Variants in SPATA17 observed in about 807,000 individuals in gnomAD.
SPATA17 encodes spermatogenesis-associated protein 17.
In SPATA17, 53 loss-of-function variants were observed where a neutral mutation model predicts 62.2. That is an observed-to-expected ratio of 0.85 (90% confidence interval 0.68 to 1.07). The LOEUF (loss-of-function observed/expected upper bound fraction) is 1.07, where lower values mean the gene tolerates loss of function less well. SPATA17 is among the 50% of genes least tolerant of loss of function. The pLI is 0.00. For missense variants in SPATA17, 466 were observed against 425.5 expected, an observed-to-expected ratio of 1.10 and a Z score of -0.84; for synonymous variants, 146 against 146.8, an observed-to-expected ratio of 0.99 and a Z score of 0.04.
intron 6 of SPATA17, among the ~76,000 whole-genome samples, chr1:217,758,245 A>T (rs1673093854): frequency 6.6e-6 from 1 of 152,154 alleles, no homozygotes; most frequent in Non-Finnish European, 1.5e-5. Context: ...ACACAAAGAG[A>T]TTAATAAGTA....
chr1:217,777,693 C>T (rs979044557), intron 7 of SPATA17, among the ~76,000 whole-genome samples: 1 of 152,150 alleles, frequency 6.6e-6, no homozygotes. Flanking sequence ...TAAGCCATCA[C>T]GCCAGGCCCA....
At chr1:217,714,249 C>T (rs547996629) in intron 5 of SPATA17, among the ~76,000 whole-genome samples, 3 of 151,634 alleles carry the variant, frequency 2.0e-5, no homozygotes, top group Admixed American at 1.3e-4. Flanking sequence ...ATTAGCCAAG[C>T]GTGGTGGCAG....
intron 3 of SPATA17, among the ~76,000 whole-genome samples, chr1:217,659,451 A>G (rs189657843): frequency 9.2e-5 from 14 of 152,228 alleles, no homozygotes; most frequent in Admixed American, 3.3e-4. Context: ...ATAATTTTAT[A>G]TTAATATATT....
intron 5 of SPATA17, among the ~76,000 whole-genome samples, chr1:217,737,532 C>T (rs1672536758): frequency 6.6e-6 from 1 of 152,084 alleles, no homozygotes; most frequent in Admixed American, 6.6e-5. Flanking sequence ...TTGGATGGCC[C>T]TTTATATTGG....
intron 9 of SPATA17, among the ~76,000 whole-genome samples, chr1:217,839,105 C>T (rs1360001608): frequency 2.0e-5 from 3 of 152,020 alleles, no homozygotes; most frequent in Non-Finnish European, 4.4e-5. Flanking sequence ...GTGAAGCCCA[C>T]TACTCAAATT....
At chr1:217,699,498 T>A (rs1188601558) in intron 5 of SPATA17, among the ~76,000 whole-genome samples, 2 of 152,232 alleles carry the variant, frequency 1.3e-5, no homozygotes, top group South Asian at 2.1e-4. Context: ...GCCATTTGCA[T>A]ATACTTTTTT....
intron 5 of SPATA17, among the ~76,000 whole-genome samples, chr1:217,683,923 A>G (rs1180124443): frequency 6.6e-6 from 1 of 152,208 alleles, no homozygotes; most frequent in East Asian, 1.9e-4. Context: ...TTGGTCCTAT[A>G]CAAAATAGTT....
intron 8 of SPATA17, among the ~76,000 whole-genome samples, chr1:217,789,300 G>T (rs1673942103): frequency 6.6e-6 from 1 of 152,150 alleles, no homozygotes. Flanking sequence ...CCACTTGCTG[G>T]AACTAATAGC....
intron 9 of SPATA17, among the ~76,000 whole-genome samples, chr1:217,833,001 T>C (rs1675179981): frequency 6.6e-6 from 1 of 152,134 alleles, no homozygotes; most frequent in African/African-American, 2.4e-5. Flanking sequence ...TGAGTACTTA[T>C]AACACACTGC....
intron 5 of SPATA17, among the ~76,000 whole-genome samples, chr1:217,690,051 C>T (rs538801236): frequency 1.4e-4 from 22 of 151,980 alleles, no homozygotes; most frequent in South Asian, 1.0e-3. Flanking sequence ...GACAGGTGTG[C>T]GCCACCACAC....
chr1:217,657,041 T>G (rs1484205137), intron 3 of SPATA17, among the ~76,000 whole-genome samples: 1 of 152,160 alleles, frequency 6.6e-6, no homozygotes, highest in African/African-American at 2.4e-5. Flanking sequence ...TCATGGAGCC[T>G]TCATTCAAAA....
At chr1:217,809,741 C>T (rs1392210949) in intron 9 of SPATA17, among the ~76,000 whole-genome samples, 1 of 152,206 alleles carries the variant, frequency 6.6e-6, no homozygotes, top group Non-Finnish European at 1.5e-5. Flanking sequence ...AACTGCCACA[C>T]TGGGGATCAA....
At chr1:217,861,103 C>A (rs1032821181) in intron 9 of SPATA17, among the ~76,000 whole-genome samples, 1 of 152,030 alleles carries the variant, frequency 6.6e-6, no homozygotes, top group African/African-American at 2.4e-5. Context: ...ATTCCTGATT[C>A]CTTCCTCCCA....
At chr1:217,821,865 A>G (rs1674871979) in intron 9 of SPATA17, among the ~76,000 whole-genome samples, 1 of 152,078 alleles carries the variant, frequency 6.6e-6, no homozygotes, top group Non-Finnish European at 1.5e-5. Flanking sequence ...CACAAAATGT[A>G]TGTCCTTAGA....
chr1:217,767,430 G>T (rs1010010811), intron 6 of SPATA17, among the ~76,000 whole-genome samples: 11 of 152,048 alleles, frequency 7.2e-5, no homozygotes, highest in African/African-American at 2.7e-4. Context: ...TAAATTCCCA[G>T]TCTTTCTTGC....
intron 1 of SPATA17, 114 bp downstream of exon 1, chr1:217,631,560 A>C (rs774722116): frequency 1.5e-4 from 161 of 1,074,804 alleles, no homozygotes; most frequent in Non-Finnish European, 2.0e-4. Flanking sequence ...ATTAAGTAGT[A>C]CCCAATTCTT....
chr1:217,863,761 C>A (rs1395237685), intron 10 of SPATA17, among the ~76,000 whole-genome samples: 1 of 152,118 alleles, frequency 6.6e-6, no homozygotes, highest in Non-Finnish European at 1.5e-5. Flanking sequence ...TGAAGTGTGT[C>A]TAATAGGAGC....
At chr1:217,736,706 TTG>T (rs1277757146) in intron 5 of SPATA17, among the ~76,000 whole-genome samples, 1 of 152,210 alleles carries the variant, frequency 6.6e-6, no homozygotes, top group Non-Finnish European at 1.5e-5. Flanking sequence ...TAGGTTTGTA[TTG>T]TGTGTTAGTT....
intron 5 of SPATA17, among the ~76,000 whole-genome samples, chr1:217,707,375 G>A (rs1671760861): frequency 6.6e-6 from 1 of 151,972 alleles, no homozygotes; most frequent in South Asian, 2.1e-4. Context: ...CTGCAATCAG[G>A]GATAGTTTGA....
Sources: allele counts gnomAD v4.1 joint callset (sites outside exome capture counted in the v4.1 genomes callset), GRCh38; gene constraint gnomAD v4.1.1; transcripts MANE v1.5; gene names NCBI Gene and HGNC (gene_info 2026-07-23, HGNC 2026-07-21).